Variants in COL15A1 observed in about 807,000 individuals in gnomAD.
COL15A1 encodes the protein collagen alpha-1(XV) chain.
COL15A1 carries 111 observed loss-of-function variants against 165.9 expected under a neutral mutation model. That is an observed-to-expected ratio of 0.67 (90% CI 0.57 to 0.78). The LOEUF (loss-of-function observed/expected upper bound fraction) is 0.78. Among genes scored for constraint, COL15A1 ranks in the 30% least tolerant of loss-of-function variants. COL15A1 has a pLI of 0.00. For missense variants in COL15A1, 1,745 were observed against 1,789.7 expected (o/e 0.98, Z 0.45); for synonymous variants, 659 against 674.8 (o/e 0.98, Z 0.36).
chr9:99,048,072 A>G (rs962723410), intron 28 of COL15A1, 72 bp downstream of exon 28: 5 of 820,996 alleles, frequency 6.1e-6, no homozygotes, highest in African/African-American at 1.7e-5. Context: ...TCCACAGAGC[A>G]GGGCCTGTGG....
At chr9:98,997,141 A>T in intron 6 of COL15A1, 60 bp downstream of exon 6, 1 of 1,596,444 alleles carries the variant, frequency 6.3e-7, no homozygotes, top group Non-Finnish European at 8.6e-7. Flanking sequence ...CTATGTGTCC[A>T]GCCGGGGCCA....
chr9:98,949,690 A>G (rs1837647072), intron 2 of COL15A1, among the ~76,000 whole-genome samples: 1 of 152,136 alleles, frequency 6.6e-6, no homozygotes, highest in Admixed American at 6.5e-5. Context: ...TTGAGGTGAA[A>G]TTTACATTAT....
At chr9:98,965,458 G>A (rs1300277264) in intron 2 of COL15A1, among the ~76,000 whole-genome samples, 1 of 152,220 alleles carries the variant, frequency 6.6e-6, no homozygotes, top group Non-Finnish European at 1.5e-5. Flanking sequence ...CTTGAGGTTA[G>A]GTGAGCTAAT....
chr9:98,944,665 C>T (rs1837548230), intron 2 of COL15A1, among the ~76,000 whole-genome samples: 1 of 152,282 alleles, frequency 6.6e-6, no homozygotes, highest in African/African-American at 2.4e-5. Flanking sequence ...GAAGCATGAA[C>T]ACCGGGAGGG....
In COL15A1 at chr9:99,020,404, G is replaced by A. The variant is rs1839006330; in HGVS notation, c.1663G>A (p.Val555Met). ...CTTCTTTTAGGCTCAAAGAGAACAT[G>A]TGGGAATGAAAGGACAGGCTGGGCC... ...RWITPAQREHVGMKGQAGPKG... is the reference protein window; with the variant it reads ...RWITPAQREHMGMKGQAGPKG... Residue 555 changes from valine (V) to methionine (M), a missense_variant, in exon 12 of 42, where the codon GTG becomes ATG. By Grantham distance (21) the Val-to-Met change is conservative. Transcript: ENST00000375001. The A allele has an allele frequency of 5.0e-6, 8 of 1,613,630 alleles. No individual in the cohort carries two copies. Among genetic ancestry groups the A allele is most frequent in the Non-Finnish European group, 6.8e-6 (8 of 1,179,502 alleles).
At chr9:99,063,590 C>A (rs1425584237) in intron 39 of COL15A1, among the ~76,000 whole-genome samples, 3 of 152,100 alleles carry the variant, frequency 2.0e-5, no homozygotes, top group Admixed American at 2.0e-4. Context: ...TTTCTGTGGG[C>A]AATGGGGAGC....
At chr9:99,049,991 A>C in intron 30 of COL15A1, 96 bp downstream of exon 30, 2 of 1,533,444 alleles carry the variant, frequency 1.3e-6, no homozygotes, top group Non-Finnish European at 1.8e-6. Context: ...TCTATCCTCA[A>C]ATGTCCTCTC....
In COL15A1 at chr9:98,943,934, C is replaced by G. The variant is rs1024350860; in HGVS notation, c.-128C>G. ...TCTGCCCGCCGCCGCCGCTGCCGAG[C>G]GCCGCCTTTGTTCCCTGCAGGAAGG... On this transcript the variant is annotated 5_prime_UTR_variant, in exon 1 of 42. Transcript: ENST00000375001. 2.4e-6 allele frequency: 3 copies of G among 1,256,452 alleles called. No individual in the cohort carries two copies. The highest frequency in any genetic ancestry group is 1.7e-5 in the South Asian group (1 of 57,148). 77.8% of individuals were successfully genotyped at this position (1,256,452 alleles called of 1,614,324 possible). A position where few individuals can be genotyped will look rare whatever the true frequency, so the allele number is the denominator to read the frequency against.
rs1554690218 is a variant in COL15A1, at chr9:99,035,088, A to ACCCCCAGGGCCTCCTGGACCCCCTGGGC, written c.2159_2186dup (p.Gly730ArgfsTer33). ...AAGCTGGCCCTCCTGGGGTCATGGGACCCCCAGGGCCTCCTGGACCCCCTG... is the reference window on the plus strand; with the variant it reads ...AAGCTGGCCCTCCTGGGGTCATGGGACCCCCAGGGCCTCCTGGACCCCCTGGGCCCCCCAGGGCCTCCTGGACCCCCTG... On this transcript the variant is annotated frameshift_variant, in exon 18 of 42. Transcript: ENST00000375001. LOFTEE classifies it high-confidence loss of function. The ACCCCCAGGGCCTCCTGGACCCCCTGGGC allele has an allele frequency of 6.2e-7, 1 of 1,602,702 alleles. No individual in the cohort carries two copies. Among genetic ancestry groups the ACCCCCAGGGCCTCCTGGACCCCCTGGGC allele is most frequent in the African/African-American group, 1.3e-5 (1 of 74,626 alleles).
At chr9:98,959,071 A>G (rs767111310) in intron 2 of COL15A1, among the ~76,000 whole-genome samples, 64 of 151,704 alleles carry the variant, frequency 4.2e-4, no homozygotes, top group African/African-American at 1.4e-3. Context: ...TCATACCTGG[A>G]AAGAGTATTG....
chr9:99,045,112 G>A (rs1381336955), intron 26 of COL15A1, among the ~76,000 whole-genome samples: 1 of 152,118 alleles, frequency 6.6e-6, no homozygotes, highest in Non-Finnish European at 1.5e-5. Flanking sequence ...GCTGAAGTTG[G>A]GGAGGGGGAA....
In COL15A1 at chr9:99,003,533, C is replaced by T. The variant is rs748677543; in HGVS notation, c.1146C>T (p.Thr382=). 7.7e-6 allele frequency: 12 copies of T among 1,568,516 alleles called. No individual in the cohort carries two copies. Among genetic ancestry groups the T allele is most frequent in the African/African-American group, 4.1e-5 (3 of 72,908 alleles). Residue 382 remains threonine (T), a synonymous_variant, in exon 8 of 42, where the codon ACC becomes ACT. Transcript: ENST00000375001. ...AGEAEASSVP[T]GGPTLSMSTE... ...AAGCAGAGGCCAGCAGTGTGCCCAC[C>T]GGGGGACCAACCCTCTCTATGTCCA...
chr9:99,070,642 T>C lies in COL15A1; in HGVS notation c.*756T>C. On this transcript the variant is annotated 3_prime_UTR_variant, in exon 42 of 42. Coordinates refer to ENST00000375001, the MANE Select transcript of COL15A1 (RefSeq NM_001855.5). ...ACCCCACAATTTTATGACTTCCATTTGGCAATTGTTGAATTATAACTGCGA... is the reference window on the plus strand; with the variant it reads ...ACCCCACAATTTTATGACTTCCATTCGGCAATTGTTGAATTATAACTGCGA... The C allele has an allele frequency of 2.2e-6, 1 of 453,974 alleles. No homozygotes were observed. Among genetic ancestry groups the C allele is most frequent in the Non-Finnish European group, 4.4e-6 (1 of 225,962 alleles). 28.1% of individuals were successfully genotyped at this position (453,974 alleles called of 1,614,324 possible). A position where few individuals can be genotyped will look rare whatever the true frequency, so the allele number is the denominator to read the frequency against.
rs16918128 is a variant in COL15A1, at chr9:99,005,021, G to A, written c.1324G>A (p.Ala442Thr). The A allele has an allele frequency of 0.014, 22,675 of 1,612,148 alleles. 1,385 individuals are homozygous for A. Among genetic ancestry groups the A allele is most frequent in the Admixed American group, 0.13 (7,917 of 59,746 alleles). Reference sequence around the variant, plus strand: ...CGGGGAGCTGGACCTCTCCATGTCCGCCCAGAGCCTCGGGGAAGAGGCCAC... The same window carrying A: ...CGGGGAGCTGGACCTCTCCATGTCCACCCAGAGCCTCGGGGAAGAGGCCAC... ...APGELDLSMS[A>T]QSLGEEATVG... Residue 442 changes from alanine to threonine, a missense_variant, in exon 9 of 42, where the codon GCC becomes ACC. Physicochemically the swap from Ala to Thr is moderately conservative, Grantham distance 58. Coordinates refer to ENST00000375001, the MANE Select transcript of COL15A1 (RefSeq NM_001855.5).
In COL15A1 at chr9:98,996,997, A is replaced by G. The variant is rs1838558623; in HGVS notation, c.868A>G (p.Met290Val). 6.2e-7 allele frequency: 1 copy of G among 1,614,192 alleles called. No homozygotes were observed. Among genetic ancestry groups the G allele is most frequent in the Non-Finnish European group, 8.5e-7 (1 of 1,180,026 alleles). The change falls in exon 6 of 42, where the codon ATG becomes GTG. Residue 290 changes from methionine (M) to valine (V), a missense_variant. Transcript: ENST00000375001. ...PPTPSSPFED[M>V]ELSGEPVPEG... ...AACTCCATCCTCCCCCTTTGAAGAC[A>G]TGGAACTTTCTGGTGAACCTGTACC... is the stretch of plus-strand genomic sequence containing the variant.
chr9:99,051,011 T>C (rs1839578484), intron 30 of COL15A1, among the ~76,000 whole-genome samples: 1 of 152,162 alleles, frequency 6.6e-6, no homozygotes, highest in Admixed American at 6.6e-5. Flanking sequence ...CAACCCAGTA[T>C]GTGTTTATAT....
At position 99,040,525 on chromosome 9, in the gene COL15A1, C is replaced by T. The variant is rs2274961; in HGVS notation, c.2480C>T (p.Pro827Leu). The change falls in exon 23 of 42, where the codon CCG becomes CTG. Residue 827 changes from proline to leucine, a missense_variant. Pro to Leu is a moderately conservative substitution (Grantham distance 98). Transcript: ENST00000375001. ...TCTATCTTTGGTGTGTCACAGGGGC[C>T]GGACGGGTTGCCTGGGCTGCCAGGA... ...DIPELVGPPG[P>L]DGLPGLPGFP... 51 of 1,614,042 alleles carry T rather than the reference C, an allele frequency of 3.2e-5. No homozygotes were observed. The highest frequency in any genetic ancestry group is 2.2e-4 in the East Asian group (10 of 44,898).
rs537186612 is a variant in COL15A1, at chr9:99,044,557, C to T, written c.2575-11C>T. 304 of 1,613,812 alleles carry T rather than the reference C, an allele frequency of 1.9e-4. 7 individuals carry two copies. The South Asian group carries it at 3.3e-3, about 17-fold the overall frequency. ...AGTCCTGACTTCATTGAGATGTTCT[C>T]TGAATTGCAGGGCGAGAAGGGAGAG... On this transcript the variant is annotated splice_polypyrimidine_tract_variant and intron_variant, in intron 24 of 41. Coordinates refer to ENST00000375001, the MANE Select transcript of COL15A1 (RefSeq NM_001855.5).
chr9:98,946,439 A>G (rs1452323832), intron 2 of COL15A1, among the ~76,000 whole-genome samples: 1 of 152,218 alleles, frequency 6.6e-6, no homozygotes, highest in African/African-American at 2.4e-5. Context: ...CACAATTGTA[A>G]CATGAGTCCA....
Sources: gnomAD v4.1 joint callset for allele counts (sites outside exome capture counted in the v4.1 genomes callset) on GRCh38, gnomAD v4.1.1 for gene constraint, MANE v1.5 for transcripts, NCBI Gene and HGNC (gene_info 2026-07-23, HGNC 2026-07-21) for gene names.